Variants in STAG2 observed in about 807,000 individuals in gnomAD.
STAG2 encodes the protein STAG2 cohesin complex component, also known as cohesin subunit SA-2.
Under a neutral mutation model 108.1 loss-of-function variants are expected in STAG2, and 14 were observed. The observed-to-expected ratio is 0.13, with a 90% CI of 0.09 to 0.20. The LOEUF (loss-of-function observed/expected upper bound fraction) is 0.20, where lower values mean the gene tolerates loss of function less well. STAG2 is among the 10% of genes least tolerant of loss of function. The probability of loss-of-function intolerance (pLI) is 1.00; values close to 1 mark genes in which losing one functional copy is unlikely to be tolerated. For missense variants in STAG2, 440 were observed against 940.9 expected (o/e 0.47, Z 6.96); for synonymous variants, 307 against 302.7 (o/e 1.01, Z -0.15).
intron 27 of STAG2, among the ~76,000 whole-genome samples, chrX:124,080,276 C>G (rs1434656086): frequency 3.6e-5 from 4 of 111,231 alleles, no homozygotes; most frequent in Non-Finnish European, 7.5e-5. Context: ...TCAGCCTCCC[C>G]CAACCCCCAG....
intron 15 of STAG2, among the ~76,000 whole-genome samples, chrX:124,060,168 G>A (rs2058338839): frequency 9.0e-6 from 1 of 111,533 alleles, no homozygotes; most frequent in Non-Finnish European, 1.9e-5. Flanking sequence ...TCGCTCTATT[G>A]CCCAGGCTGG....
chrX:124,023,609 G>A (rs1397829924), intron 3 of STAG2, among the ~76,000 whole-genome samples: 2 of 111,425 alleles, frequency 1.8e-5, no homozygotes, highest in African/African-American at 6.5e-5. Flanking sequence ...TTAATATTAA[G>A]TGTCTGCTGT....
intron 1 of STAG2, among the ~76,000 whole-genome samples, chrX:123,993,813 C>T (rs2147782915): frequency 9.0e-6 from 1 of 111,613 alleles, no homozygotes; most frequent in Admixed American, 9.6e-5. Context: ...TGTGACCATG[C>T]ATTTAAACGA....
At chrX:124,099,122 T>C (rs1342053406) in intron 34 of STAG2, among the ~76,000 whole-genome samples, 1 of 111,566 alleles carries the variant, frequency 9.0e-6, no homozygotes, top group African/African-American at 3.2e-5. Flanking sequence ...AAAGAAGGGC[T>C]CCATGTAATG....
chrX:124,080,291 T>A (rs1244181606), intron 27 of STAG2, among the ~76,000 whole-genome samples: 1 of 111,424 alleles, frequency 9.0e-6, no homozygotes, highest in Non-Finnish European at 1.9e-5. Flanking sequence ...CCCCAGTCCC[T>A]GGCAACCACC....
intron 1 of STAG2, among the ~76,000 whole-genome samples, chrX:123,983,655 T>C (rs972214068): frequency 4.5e-5 from 5 of 111,543 alleles, no homozygotes; most frequent in Non-Finnish European, 9.4e-5. Context: ...AAAATAATTA[T>C]ATAATTGTAT....
intron 32 of STAG2, among the ~76,000 whole-genome samples, chrX:124,092,347 A>AT (rs763532662): frequency 9.0e-6 from 1 of 111,600 alleles, no homozygotes; most frequent in South Asian, 3.7e-4. Flanking sequence ...CTGTGACCAC[A>AT]TTCCTTTTAA....
chrX:124,016,286 C>G (rs1191010593), intron 1 of STAG2, among the ~76,000 whole-genome samples: 1 of 111,010 alleles, frequency 9.0e-6, no homozygotes, highest in African/African-American at 3.3e-5. Context: ...ACTATAGGCA[C>G]GCGCCACCAT....
chrX:123,966,121 G>A (rs964762001), intron 1 of STAG2, among the ~76,000 whole-genome samples: 2 of 111,700 alleles, frequency 1.8e-5, no homozygotes, highest in African/African-American at 6.5e-5. Context: ...ATATACTGAA[G>A]TGTGATTGTT....
intron 1 of STAG2, among the ~76,000 whole-genome samples, chrX:123,996,428 G>A (rs1022846615): frequency 1.8e-5 from 2 of 111,382 alleles, no homozygotes; most frequent in African/African-American, 6.5e-5. Context: ...ACTTTTTAGC[G>A]GATAGTTCTG....
intron 1 of STAG2, among the ~76,000 whole-genome samples, chrX:123,972,020 G>C (rs536335754): frequency 9.0e-6 from 1 of 111,334 alleles, no homozygotes; most frequent in Admixed American, 9.6e-5. Flanking sequence ...GTTTATGCTT[G>C]TGCTGTCACC....
intron 8 of STAG2, among the ~76,000 whole-genome samples, chrX:124,046,139 A>G (rs1411646868): frequency 8.9e-6 from 1 of 111,850 alleles, no homozygotes; most frequent in Admixed American, 9.6e-5. Context: ...AATTGTTATG[A>G]TAGTATTCTG....
At chrX:124,044,021 T>C (rs1370405049) in intron 7 of STAG2, among the ~76,000 whole-genome samples, 3 of 111,596 alleles carry the variant, frequency 2.7e-5, no homozygotes, top group African/African-American at 9.8e-5. Flanking sequence ...GTCTTTTTTT[T>C]CTTGCTTACT....
chrX:123,998,633 TCTAA>T (rs1273831985), intron 1 of STAG2, among the ~76,000 whole-genome samples: 27 of 83,749 alleles, frequency 3.2e-4, no homozygotes, highest in South Asian at 1.6e-3. Flanking sequence ...TATCTATCTA[TCTAA>T]CTAACTGATG....
In STAG2 at chrX:124,081,472, T is replaced by C. The variant is rs760473114; in HGVS notation, c.2868T>C (p.Ala956=). The C allele has an allele frequency of 1.7e-5, 21 of 1,200,402 alleles. No individual in the cohort carries two copies. The highest frequency in any genetic ancestry group is 2.1e-5 in the Non-Finnish European group (19 of 890,324). Residue 956 remains alanine, a synonymous_variant, in exon 28 of 35, where the codon GCT becomes GCC. Transcript: ENST00000371145. The stretch of plus-strand genomic sequence containing the variant: ...TAAAAGAACTTGCTCGACGTTTTGC[T>C]TTAACTTTTGGACTTGATCAGTTGA... ...SGIKELARRF[A]LTFGLDQLKT... is the part of the protein sequence containing the mutation.
Position 123,975,042 on chromosome X carries a change from A to T in STAG2, c.-163+13186A>T, listed in dbSNP as rs139228239. 8.2e-3 allele frequency among the ~76,000 whole-genome samples: 915 copies of T among 111,926 alleles called. 7 individuals carry two copies. The highest frequency in any genetic ancestry group is 0.014 in the Non-Finnish European group (750 of 53,185). On this transcript the variant is annotated intron_variant, in intron 1 of 34. Coordinates refer to ENST00000371145, the MANE Select transcript of STAG2 (RefSeq NM_001042750.2). Reference sequence around the variant, plus strand: ...TTTCAAAAGCAAGGGTAATTTTTACAGTCACCAGTGTGTCTACTGCCTTGT... The same window carrying T: ...TTTCAAAAGCAAGGGTAATTTTTACTGTCACCAGTGTGTCTACTGCCTTGT...
At chrX:124,047,583 G>A in intron 9 of STAG2, 78 bp downstream of exon 9, 2 of 830,725 alleles carry the variant, frequency 2.4e-6, no homozygotes, top group South Asian at 2.5e-5. Context: ...CTTTGCTAGT[G>A]GCTCAGATAA....
chrX:124,027,365 T>G (rs1008843567), intron 4 of STAG2, among the ~76,000 whole-genome samples: 5 of 112,572 alleles, frequency 4.4e-5, no homozygotes, highest in Non-Finnish European at 7.5e-5. Context: ...TTAAAAAGAC[T>G]CGAGAGAGGG....
chrX:124,028,822 A>ATATATATT (rs1296806013), intron 4 of STAG2, among the ~76,000 whole-genome samples: 2 of 38,982 alleles, frequency 5.1e-5, no homozygotes, highest in African/African-American at 2.2e-4. Context: ...ATATATATAT[A>ATATATATT]TTTTTTTTTT....
Sources: gnomAD v4.1 joint callset for allele counts (sites outside exome capture counted in the v4.1 genomes callset) on GRCh38, gnomAD v4.1.1 for gene constraint, MANE v1.5 for transcripts, NCBI Gene and HGNC (gene_info 2026-07-23, HGNC 2026-07-21) for gene names.